FOXN4: variants seen among roughly 807,000 people sequenced by gnomAD.
The protein encoded by FOXN4 is forkhead box protein N4.
In FOXN4, 12 loss-of-function variants were observed where a neutral mutation model predicts 45.0. The observed-to-expected ratio is 0.27, with a 90% CI of 0.17 to 0.43. The LOEUF (loss-of-function observed/expected upper bound fraction) is 0.43, where lower values mean the gene tolerates loss of function less well. FOXN4 is among the 20% of genes least tolerant of loss of function. The pLI, the probability that FOXN4 is intolerant of heterozygous loss-of-function variation, is 1.00. For missense variants in FOXN4, 560 were observed against 694.9 expected (o/e 0.81, Z 2.18); for synonymous variants, 297 against 295.0 (o/e 1.01, Z -0.07).
At chr12:109,280,001 A>C in intron 9 of FOXN4, 71 bp from the exon 10 acceptor site, 1 of 1,591,956 alleles carries the variant, frequency 6.3e-7, no homozygotes, top group Non-Finnish European at 8.6e-7. Context: ...CCCCCATCTT[A>C]GGGAAGAGGC....
intron 2 of FOXN4, among the ~76,000 whole-genome samples, chr12:109,294,103 G>A (rs2047795065): frequency 6.6e-6 from 1 of 152,160 alleles, no homozygotes; most frequent in African/African-American, 2.4e-5. Context: ...CCCCACCCTG[G>A]GTCCCAGGCT....
In FOXN4 at chr12:109,304,311, A is replaced by G. The variant is rs554749488; in HGVS notation, c.86+3925T>C. On this transcript the variant is annotated intron_variant, in intron 2 of 9. Coordinates refer to ENST00000299162, the MANE Select transcript of FOXN4 (RefSeq NM_213596.3). ...AGAAAGAAAGGAGAAAGAAAGAAGG[A>G]AAGAAGGAAAGAAAGAAGTAAATAA... Among the ~76,000 whole-genome samples, 5 of 151,932 alleles carry G rather than the reference A, an allele frequency of 3.3e-5. 1 individual carries two copies. The highest frequency in any genetic ancestry group is 1.2e-4 in the African/African-American group (5 of 41,444).
chr12:109,287,380 C>G lies in FOXN4; in HGVS notation c.596+17G>C. On this transcript the variant is annotated intron_variant, in intron 6 of 9. Coordinates refer to ENST00000299162, the MANE Select transcript of FOXN4 (RefSeq NM_213596.3). The surrounding 1 kb of genome is among the most constrained non-coding windows in gnomAD (Gnocchi z 4.1). ...GGAGCCGCCCTTGGCCCTGACCCGG[C>G]CCACCCTGGACCTCACCTGTACGAG... The G allele has an allele frequency of 6.4e-7, 1 of 1,551,286 alleles. No individual in the cohort carries two copies. Among genetic ancestry groups the G allele is most frequent in the Non-Finnish European group, 8.7e-7 (1 of 1,146,792 alleles).
intron 8 of FOXN4, among the ~76,000 whole-genome samples, chr12:109,284,747 C>G (rs559951476): frequency 2.3e-3 from 354 of 151,376 alleles, no homozygotes; most frequent in African/African-American, 7.9e-3. Context: ...CCTTCCTCTT[C>G]TGTGTGTGTG....
At chr12:109,296,374 C>A (rs1275266311) in intron 2 of FOXN4, among the ~76,000 whole-genome samples, 4 of 152,252 alleles carry the variant, frequency 2.6e-5, no homozygotes, top group African/African-American at 9.6e-5. Context: ...TGTCCTTCCC[C>A]CCTTCTCTGT....
intron 2 of FOXN4, among the ~76,000 whole-genome samples, chr12:109,305,006 G>C (rs2047908879): frequency 6.6e-6 from 1 of 152,236 alleles, no homozygotes; most frequent in Admixed American, 6.5e-5. Context: ...CTGAGGCTCA[G>C]AGAGAGGCAG....
chr12:109,282,692 C>A (rs1305925373), intron 8 of FOXN4, among the ~76,000 whole-genome samples: 3 of 152,198 alleles, frequency 2.0e-5, no homozygotes, highest in African/African-American at 7.2e-5. Context: ...GTTAAAAATC[C>A]TTAACACTCT....
At chr12:109,286,898 T>A in intron 6 of FOXN4, 154 bp from the exon 7 acceptor site, 1 of 1,431,112 alleles carries the variant, frequency 7.0e-7, no homozygotes, top group Non-Finnish European at 9.1e-7. Flanking sequence ...CAATATCTTT[T>A]CATGGCCCGA....
At chr12:109,304,188 CAAAAAAA>C (rs560597615) in intron 2 of FOXN4, among the ~76,000 whole-genome samples, 1 of 51,090 alleles carries the variant, frequency 2.0e-5, no homozygotes, top group Non-Finnish European at 3.7e-5. Flanking sequence ...CAGACTCCGT[CAAAAAAA>C]AAAAAAAGAA....
At chr12:109,280,055 G>T in intron 9 of FOXN4, 125 bp from the exon 10 acceptor site, 3 of 1,367,740 alleles carry the variant, frequency 2.2e-6, no homozygotes, top group South Asian at 2.7e-5. Context: ...TAGAAAAAGG[G>T]CATGGGGCCG....
At position 109,297,204 on chromosome 12, in the gene FOXN4, G is replaced by A. The variant is rs958371766; in HGVS notation, c.87-6918C>T. ...TGTTACGAACCGGGCTGCACAGAAG[G>A]AGGTGAGTAGCAGGTGCCTGAGCTC... On this transcript the variant is annotated intron_variant, in intron 2 of 9. Coordinates refer to ENST00000299162, the MANE Select transcript of FOXN4 (RefSeq NM_213596.3). Among the ~76,000 whole-genome samples, 7 of 152,352 alleles carry A rather than the reference G, an allele frequency of 4.6e-5. No individual in the cohort carries two copies. The Middle Eastern group carries it at 0.01, about 222-fold the overall frequency.
chr12:109,290,367 C>T lies in FOXN4; in HGVS notation c.87-81G>A. ...GGGTGCGTCCCGACCTCTGGAAGCA[C>T]CCGCTTAATGTGCCTCATCTCCCCA... On this transcript the variant is annotated intron_variant, in intron 2 of 9. Coordinates refer to ENST00000299162, the MANE Select transcript of FOXN4 (RefSeq NM_213596.3). The surrounding 1 kb of genome is among the most constrained non-coding windows in gnomAD (Gnocchi z 5.1). 1 of 1,439,476 alleles carries T rather than the reference C, an allele frequency of 6.9e-7. No individual in the cohort carries two copies. The highest frequency in any genetic ancestry group is 9.2e-7 in the Non-Finnish European group (1 of 1,087,192). 89.2% of individuals were successfully genotyped at this position (1,439,476 alleles called of 1,614,324 possible).
intron 1 of FOXN4, among the ~76,000 whole-genome samples, chr12:109,308,891 A>G (rs1349820073): frequency 6.6e-6 from 1 of 152,182 alleles, no homozygotes; most frequent in East Asian, 1.9e-4. Flanking sequence ...AAAAAATAAT[A>G]AAAATATTTG....
In FOXN4 at chr12:109,290,452, G is replaced by T. The variant is rs1476529040; in HGVS notation, c.87-166C>A. On this transcript the variant is annotated intron_variant, in intron 2 of 9. Coordinates refer to ENST00000299162, the MANE Select transcript of FOXN4 (RefSeq NM_213596.3). This position sits in a 1 kb window ranked among gnomAD's most constrained non-coding sequence, Gnocchi z 5.1. ...GACTGGACACGGGAACCTGGTCCCA[G>T]ATCCCTTTCGGCAGCCAGATCTTTC... 6.6e-6 allele frequency among the ~76,000 whole-genome samples: 1 copy of T among 152,206 alleles called. No individual in the cohort carries two copies. The highest frequency in any genetic ancestry group is 1.9e-4 in the East Asian group (1 of 5,194).
chr12:109,283,198 A>G (rs1432904097), intron 8 of FOXN4, among the ~76,000 whole-genome samples: 2 of 152,172 alleles, frequency 1.3e-5, no homozygotes, highest in East Asian at 3.9e-4. Context: ...AAGCAGATGC[A>G]ATCCTTTTTC....
chr12:109,302,056 T>C (rs1339689807), intron 2 of FOXN4, among the ~76,000 whole-genome samples: 1 of 152,248 alleles, frequency 6.6e-6, no homozygotes, highest in East Asian at 1.9e-4. Context: ...AGACCACTCA[T>C]GATCACCCAC....
rs542306929 is a variant in FOXN4 at position 109,298,205 on chromosome 12, G to T, written c.87-7919C>A. ...TGTAAAACAGGAGCTGTGCATTAGGGCATCTCACAAAGTTGTGAGCCCCCC... is the reference window on the plus strand; with the variant it reads ...TGTAAAACAGGAGCTGTGCATTAGGTCATCTCACAAAGTTGTGAGCCCCCC... On this transcript the variant is annotated intron_variant, in intron 2 of 9. Transcript: ENST00000299162. Among the ~76,000 whole-genome samples the T allele has an allele frequency of 2.2e-3, 331 of 152,128 alleles. 1 individual carries two copies. Among genetic ancestry groups the T allele is most frequent in the African/African-American group, 7.3e-3 (302 of 41,496 alleles).
intron 9 of FOXN4, 23 bp downstream of exon 9, chr12:109,281,384 T>C (rs1305579228): frequency 1.2e-6 from 2 of 1,611,384 alleles, no homozygotes; most frequent in African/African-American, 2.7e-5. Context: ...TCCATTCCCA[T>C]CACTCCATTC....
chr12:109,295,369 G>A (rs1030047372), intron 2 of FOXN4, among the ~76,000 whole-genome samples: 2 of 152,220 alleles, frequency 1.3e-5, no homozygotes, highest in South Asian at 2.1e-4. Flanking sequence ...CCATCTGGGT[G>A]TGTCACTTCA....
Sources: gnomAD v4.1 joint callset for allele counts (sites outside exome capture counted in the v4.1 genomes callset) on GRCh38, gnomAD v4.1.1 for gene constraint, Gnocchi (gnomAD v3.1) non-coding constraint, MANE v1.5 for transcripts, NCBI Gene and HGNC (gene_info 2026-07-23, HGNC 2026-07-21) for gene names.